Variants in SLC25A48 observed in about 807,000 individuals in gnomAD.
SLC25A48 encodes the protein CTC-321K16.1.
In SLC25A48, 29 loss-of-function variants were observed where a neutral mutation model predicts 32.2. The observed-to-expected ratio is 0.90, with a 90% confidence interval of 0.67 to 1.23. The LOEUF is 1.23. Ranked by LOEUF, SLC25A48 falls within the 50% of genes most tolerant of loss-of-function variation. The pLI, the probability that SLC25A48 is intolerant of heterozygous loss-of-function variation, is 0.00. For missense variants in SLC25A48, 399 were observed against 422.7 expected, an observed-to-expected ratio of 0.94 and a Z score of 0.49; for synonymous variants, 164 against 172.3, an observed-to-expected ratio of 0.95 and a Z score of 0.38.
At chr5:135,764,483 C>A (rs1756151833) in intron 3 of SLC25A48, among the ~76,000 whole-genome samples, 1 of 151,604 alleles carries the variant, frequency 6.6e-6, no homozygotes, top group South Asian at 2.1e-4. Context: ...TGATATGGTT[C>A]ATGATTCTCC....
intron 3 of SLC25A48, among the ~76,000 whole-genome samples, chr5:135,643,068 C>T (rs1752877860): frequency 6.6e-6 from 1 of 152,216 alleles, no homozygotes; most frequent in Admixed American, 6.5e-5. Context: ...AGTCAGCAGT[C>T]TGGGGTGCGC....
intron 2 of SLC25A48, among the ~76,000 whole-genome samples, chr5:135,632,749 T>A (rs1752605936): frequency 6.6e-6 from 1 of 152,220 alleles, no homozygotes; most frequent in Non-Finnish European, 1.5e-5. Context: ...ATTTTCTATT[T>A]GTGGTTGCCA....
Position 135,675,550 on chromosome 5 carries a change from C to T in SLC25A48, c.-521+40594C>T, listed in dbSNP as rs78231939. 1.6e-4 allele frequency among the ~76,000 whole-genome samples: 25 copies of T among 152,130 alleles called. No homozygotes were observed. In the East Asian group the frequency reaches 4.6e-3, roughly 28 times the overall value. On this transcript the variant is annotated intron_variant, in intron 3 of 10. Coordinates refer to the SLC25A48 transcript ENST00000646290. ...TATTCCTGGATTCTCAATTCTGTCC[C>T]ATTGGTCTACATGTCTGTTTTTATA...
chr5:135,803,643 C>T (rs929131927), intron 3 of SLC25A48, among the ~76,000 whole-genome samples: 25 of 138,826 alleles, frequency 1.8e-4, no homozygotes, highest in African/African-American at 6.1e-4. Context: ...TTTGTAATAT[C>T]CTAGGGAGAT....
At chr5:135,747,244 A>T (rs919810607) in intron 3 of SLC25A48, among the ~76,000 whole-genome samples, 2 of 151,628 alleles carry the variant, frequency 1.3e-5, no homozygotes, top group African/African-American at 4.8e-5. Context: ...ATAACTATAG[A>T]TACAGTTTCA....
chr5:135,826,225 C>T (rs1258217136), intron 4 of SLC25A48, among the ~76,000 whole-genome samples: 1 of 152,098 alleles, frequency 6.6e-6, no homozygotes, highest in African/African-American at 2.4e-5. Flanking sequence ...TGAGGTGTCC[C>T]ACTCCGCAGG....
intron 3 of SLC25A48, among the ~76,000 whole-genome samples, chr5:135,745,139 A>C (rs1755610225): frequency 6.6e-6 from 1 of 152,214 alleles, no homozygotes; most frequent in African/African-American, 2.4e-5. Context: ...CAGCCTTCAG[A>C]CCTGAGAGCC....
At chr5:135,637,804 G>A (rs1478962026) in intron 3 of SLC25A48, among the ~76,000 whole-genome samples, 1 of 152,142 alleles carries the variant, frequency 6.6e-6, no homozygotes, top group Non-Finnish European at 1.5e-5. Flanking sequence ...CTACTGACTA[G>A]GCAGGCCACA....
chr5:135,721,302 A>G (rs1292567217), intron 3 of SLC25A48, among the ~76,000 whole-genome samples: 1 of 148,350 alleles, frequency 6.7e-6, no homozygotes, highest in African/African-American at 2.5e-5. Context: ...CCTGGGTTCA[A>G]GCAATTCTCC....
chr5:135,767,333 C>A (rs1328862161), intron 3 of SLC25A48, among the ~76,000 whole-genome samples: 2 of 151,842 alleles, frequency 1.3e-5, no homozygotes, highest in Non-Finnish European at 2.9e-5. Flanking sequence ...CGTACACTCG[C>A]CTGTTACATG....
chr5:135,812,377 AC>A (rs1757610993), intron 3 of SLC25A48: 1 of 152,180 alleles, frequency 6.6e-6, no homozygotes, highest in Non-Finnish European at 1.5e-5. Flanking sequence ...GACTGTAGTC[AC>A]CCTGCTGTGC....
intron 3 of SLC25A48, among the ~76,000 whole-genome samples, chr5:135,744,353 A>AT (rs72508637): frequency 2.2e-4 from 33 of 148,744 alleles, no homozygotes; most frequent in East Asian, 1.0e-3. Context: ...TTTTCTCTCC[A>AT]TTTTTTTTTT....
intron 3 of SLC25A48, among the ~76,000 whole-genome samples, chr5:135,749,059 C>T (rs1755708625): frequency 1.3e-5 from 2 of 152,070 alleles, no homozygotes; most frequent in Admixed American, 6.6e-5. Flanking sequence ...TTCTTCCTTC[C>T]TGATGTCCCT....
At chr5:135,787,675 C>T (rs1756883822) in intron 3 of SLC25A48, among the ~76,000 whole-genome samples, 1 of 151,772 alleles carries the variant, frequency 6.6e-6, no homozygotes, top group Non-Finnish European at 1.5e-5. Context: ...GGATGTTACT[C>T]CTAATGTCAC....
At chr5:135,843,560 A>G (rs1759174964) in intron 2 of SLC25A48, among the ~76,000 whole-genome samples, 1 of 152,210 alleles carries the variant, frequency 6.6e-6, no homozygotes, top group Non-Finnish European at 1.5e-5. Flanking sequence ...ACAATAACAC[A>G]AGGTGATGGC....
At chr5:135,750,809 C>G (rs1755753064) in intron 3 of SLC25A48, among the ~76,000 whole-genome samples, 1 of 152,106 alleles carries the variant, frequency 6.6e-6, no homozygotes, top group South Asian at 2.1e-4. Flanking sequence ...TCTATTCTAC[C>G]CCTTAACTCT....
At chr5:135,872,070 G>A (rs1761700520) in intron 5 of SLC25A48, 2 of 1,133,324 alleles carry the variant, frequency 1.8e-6, no homozygotes, top group Admixed American at 7.7e-5. Context: ...AGTTCTACAA[G>A]GTAGGAATCG....
intron 6 of SLC25A48, 127 bp from the exon 7 acceptor site, chr5:135,879,841 G>A (rs1762330873): frequency 2.2e-6 from 3 of 1,343,570 alleles, no homozygotes; most frequent in Non-Finnish European, 1.0e-6. Flanking sequence ...GCCTGCACAG[G>A]TCCTTTGGGC....
At chr5:135,796,977 G>A (rs985954074) in intron 3 of SLC25A48, among the ~76,000 whole-genome samples, 1 of 151,584 alleles carries the variant, frequency 6.6e-6, no homozygotes, top group Non-Finnish European at 1.5e-5. Context: ...ATCAAGGGTG[G>A]TTTTCACCCC....
Sources: gnomAD v4.1 joint callset for allele counts (sites outside exome capture counted in the v4.1 genomes callset) on GRCh38, gnomAD v4.1.1 for gene constraint, MANE v1.5 for transcripts, NCBI Gene and HGNC (gene_info 2026-07-23, HGNC 2026-07-21) for gene names.